The following DIAPH3 variants were observed in gnomAD, a reference collection of about 807,000 sequenced individuals.
The protein encoded by DIAPH3 is protein diaphanous homolog 3.
Under a neutral mutation model 144.3 loss-of-function variants are expected in DIAPH3, and 117 were observed. The ratio of observed to expected loss-of-function variants is 0.81; its 90% confidence interval spans 0.70 to 0.95. The LOEUF (loss-of-function observed/expected upper bound fraction) is 0.95. Among genes scored for constraint, DIAPH3 ranks in the 40% least tolerant of loss-of-function variants. The pLI is 0.00. For missense variants in DIAPH3, 1,421 were observed against 1,412.7 expected, an observed-to-expected ratio of 1.01 and a Z score of -0.09; for synonymous variants, 519 against 488.9, an observed-to-expected ratio of 1.06 and a Z score of -0.81.
chr13:59,957,499 C>T (rs1306063065), intron 17 of DIAPH3, among the ~76,000 whole-genome samples: 1 of 152,128 alleles, frequency 6.6e-6, no homozygotes, highest in Non-Finnish European at 1.5e-5. Flanking sequence ...AACTCTGAGG[C>T]CATTAAACCT....
At chr13:59,671,364 G>A (rs763749826) in intron 27 of DIAPH3, among the ~76,000 whole-genome samples, 3 of 152,088 alleles carry the variant, frequency 2.0e-5, no homozygotes, top group Non-Finnish European at 4.4e-5. Context: ...AAAGACAAGC[G>A]TTTCTATTTC....
chr13:59,995,047 G>A (rs748474419), intron 9 of DIAPH3, among the ~76,000 whole-genome samples: 4 of 151,720 alleles, frequency 2.6e-5, no homozygotes, highest in Non-Finnish European at 5.9e-5. Flanking sequence ...ATTTACAAGA[G>A]GCCTCCCACT....
intron 18 of DIAPH3, among the ~76,000 whole-genome samples, chr13:59,920,652 T>C (rs2047463685): frequency 6.6e-6 from 1 of 151,652 alleles, no homozygotes; most frequent in Admixed American, 6.6e-5. Flanking sequence ...ATTAGGAGAC[T>C]TCAATGCCTC....
In DIAPH3 at chr13:59,857,208, T is replaced by A. The variant is rs192148408; in HGVS notation, c.2737+4199A>T. ...GTCTTTTGGTTATAGCAGATAAATT[T>A]GAAATTTTCAAACACTATAAATTTT... On this transcript the variant is annotated intron_variant, in intron 22 of 27. Coordinates refer to ENST00000400324, the MANE Select transcript of DIAPH3 (RefSeq NM_001042517.2). Among the ~76,000 whole-genome samples the A allele has an allele frequency of 1.6e-3, 244 of 152,276 alleles. 1 individual carries two copies. Among genetic ancestry groups the A allele is most frequent in the African/African-American group, 5.5e-3 (230 of 41,572 alleles).
intron 17 of DIAPH3, among the ~76,000 whole-genome samples, chr13:59,967,054 T>C (rs1030712464): frequency 9.2e-5 from 14 of 151,610 alleles, no homozygotes; most frequent in Non-Finnish European, 1.8e-4. Flanking sequence ...GGTTTGCCTG[T>C]TTTTGTTTTT....
intron 25 of DIAPH3, among the ~76,000 whole-genome samples, chr13:59,783,430 T>C (rs1255077557): frequency 6.6e-6 from 1 of 152,190 alleles, no homozygotes; most frequent in Non-Finnish European, 1.5e-5. Context: ...GTTCATGAGA[T>C]ATACAAATAC....
chr13:59,744,442 C>A (rs998185912), intron 27 of DIAPH3, among the ~76,000 whole-genome samples: 1 of 152,190 alleles, frequency 6.6e-6, no homozygotes, highest in Non-Finnish European at 1.5e-5. Context: ...GCTTGTCCAA[C>A]TTGTGGCCCA....
chr13:60,107,212 A>G (rs1566780029), intron 3 of DIAPH3, among the ~76,000 whole-genome samples: 2 of 152,218 alleles, frequency 1.3e-5, no homozygotes, highest in Middle Eastern at 3.4e-3. Flanking sequence ...ACCATCAAAT[A>G]TCTCAGAAGA....
intron 17 of DIAPH3, among the ~76,000 whole-genome samples, chr13:59,957,942 C>T (rs964226125): frequency 6.6e-6 from 1 of 152,068 alleles, no homozygotes; most frequent in Admixed American, 6.6e-5. Flanking sequence ...ATAATTGGTT[C>T]TCTAATCAAA....
intron 20 of DIAPH3, among the ~76,000 whole-genome samples, chr13:59,886,387 A>C (rs2045451089): frequency 6.6e-6 from 1 of 152,094 alleles, no homozygotes; most frequent in African/African-American, 2.4e-5. Context: ...CTTGATGTTA[A>C]ATCAGTAGTT....
chr13:59,872,413 T>C (rs915054162), intron 21 of DIAPH3, among the ~76,000 whole-genome samples: 3 of 152,178 alleles, frequency 2.0e-5, no homozygotes, highest in African/African-American at 7.2e-5. Flanking sequence ...TCAGGTGATA[T>C]TTTTCAGTTT....
intron 27 of DIAPH3, among the ~76,000 whole-genome samples, chr13:59,714,934 C>A (rs1879645592): frequency 1.3e-5 from 2 of 151,952 alleles, no homozygotes; most frequent in South Asian, 4.2e-4. Flanking sequence ...AAAAAAGTCA[C>A]CAGTCCATAT....
At chr13:60,009,224 C>G (rs952635157) in intron 8 of DIAPH3, among the ~76,000 whole-genome samples, 4 of 152,108 alleles carry the variant, frequency 2.6e-5, no homozygotes, top group Non-Finnish European at 5.9e-5. Flanking sequence ...AAAAACTATA[C>G]TTCCTCTTCT....
chr13:59,700,358 C>T (rs1472956673), intron 27 of DIAPH3, among the ~76,000 whole-genome samples: 4 of 152,130 alleles, frequency 2.6e-5, no homozygotes, highest in Non-Finnish European at 5.9e-5. Context: ...TGAATGTGTG[C>T]TTGCAGGGTG....
chr13:60,109,925 C>T (rs1474098047), intron 3 of DIAPH3, among the ~76,000 whole-genome samples: 1 of 152,158 alleles, frequency 6.6e-6, no homozygotes, highest in African/African-American at 2.4e-5. Context: ...AGAATTTCAG[C>T]TTTCACCAAA....
intron 27 of DIAPH3, among the ~76,000 whole-genome samples, chr13:59,752,304 T>C (rs142476141): frequency 6.6e-6 from 1 of 151,626 alleles, no homozygotes; most frequent in Admixed American, 6.6e-5. Context: ...TAGACCCCTA[T>C]AGGGTTTTCT....
In DIAPH3 at chr13:60,052,959, T is replaced by TAAAAAA. The variant is rs559991017; in HGVS notation, c.496-10145_496-10140dup. ...CTGGTGACAGAGCCAGACTCCCTCT[T>TAAAAAA]AAAAAAAAAAAAAAAAAAAAAGAAA... On this transcript the variant is annotated intron_variant, in intron 4 of 27. Transcript: ENST00000400324. 8.1e-4 allele frequency among the ~76,000 whole-genome samples: 33 copies of TAAAAAA among 40,618 alleles called. 2 individuals carry two copies. The highest frequency in any genetic ancestry group is 2.4e-3 in the South Asian group (2 of 826). The allele number at this position is 40,618 out of a possible 152,430, so 26.6% of individuals were successfully genotyped here.
chr13:60,067,570 A>G (rs1012742649), intron 4 of DIAPH3, among the ~76,000 whole-genome samples: 7 of 152,176 alleles, frequency 4.6e-5, no homozygotes, highest in Admixed American at 1.3e-4. Flanking sequence ...CAGTAAGTCT[A>G]TCTGCCATCT....
At chr13:59,810,157 TTTTC>T (rs1444354165) in intron 25 of DIAPH3, among the ~76,000 whole-genome samples, 1 of 152,120 alleles carries the variant, frequency 6.6e-6, no homozygotes, top group Non-Finnish European at 1.5e-5. Context: ...CAGACTGCTT[TTTTC>T]TTTTTGTTGT....
Sources: gnomAD v4.1 joint callset for allele counts (sites outside exome capture counted in the v4.1 genomes callset) on GRCh38, gnomAD v4.1.1 for gene constraint, MANE v1.5 for transcripts, NCBI Gene and HGNC (gene_info 2026-07-23, HGNC 2026-07-21) for gene names.